Variants in NSMCE1 observed in about 807,000 individuals in gnomAD.
The protein encoded by NSMCE1 is non-structural maintenance of chromosomes element 1 homolog.
Under a neutral mutation model 29.6 loss-of-function variants are expected in NSMCE1, and 18 were observed. That is an observed-to-expected ratio of 0.61 (90% CI 0.42 to 0.90). The LOEUF (loss-of-function observed/expected upper bound fraction) is 0.90, where lower values mean the gene tolerates loss of function less well. NSMCE1 is among the 40% of genes least tolerant of loss of function. NSMCE1 has a pLI of 0.00. For missense variants in NSMCE1, 314 were observed against 343.6 expected (o/e 0.91, Z 0.68); for synonymous variants, 124 against 133.4 (o/e 0.93, Z 0.49).
At chr16:27,248,735 T>C (rs1214846036) in intron 2 of NSMCE1, among the ~76,000 whole-genome samples, 3 of 151,594 alleles carry the variant, frequency 2.0e-5, no homozygotes, top group African/African-American at 7.3e-5. Flanking sequence ...CTAATGATGT[T>C]GAGCATCTTT....
chr16:27,230,962 G>A (rs1188465292), intron 5 of NSMCE1: 1 of 152,432 alleles, frequency 6.6e-6, no homozygotes, highest in Non-Finnish European at 1.5e-5. Context: ...GCAGACAAAG[G>A]GCAAGTCAAA....
At chr16:27,242,757 C>T (rs1444736526) in intron 2 of NSMCE1, among the ~76,000 whole-genome samples, 1 of 152,260 alleles carries the variant, frequency 6.6e-6, no homozygotes, top group Non-Finnish European at 1.5e-5. Flanking sequence ...CATCTAATCA[C>T]ACCCACTGAA....
rs774511224 is a variant in NSMCE1, at chr16:27,236,338, C to T, written c.137-1039G>A. Among the ~76,000 whole-genome samples, 3 of 144,074 alleles carry T rather than the reference C, an allele frequency of 2.1e-5. No homozygotes were observed. The East Asian group carries it at 6.2e-4, about 30-fold the overall frequency. The allele number at this position is 144,074 out of a possible 152,430, so 94.5% of individuals were successfully genotyped here. On this transcript the variant is annotated intron_variant, in intron 2 of 7. Coordinates refer to ENST00000361439, the MANE Select transcript of NSMCE1 (RefSeq NM_145080.4). ...TTTTGAGACAGAGTCTTGCTCTCGC[C>T]CTGGCTGGAGTGCAGTAGCACAGTC...
At chr16:27,243,115 C>A (rs1280204339) in intron 2 of NSMCE1, among the ~76,000 whole-genome samples, 1 of 152,246 alleles carries the variant, frequency 6.6e-6, no homozygotes, top group East Asian at 1.9e-4. Flanking sequence ...CTGCTCCAGC[C>A]GAGTGCCCGA....
At chr16:27,238,028 G>C (rs1009106069) in intron 2 of NSMCE1, among the ~76,000 whole-genome samples, 11 of 152,132 alleles carry the variant, frequency 7.2e-5, no homozygotes, top group Non-Finnish European at 1.3e-4. Context: ...GTTTCTCACG[G>C]AGGCCCCGCG....
intron 5 of NSMCE1, among the ~76,000 whole-genome samples, chr16:27,229,087 C>T (rs897696428): frequency 1.1e-4 from 17 of 152,302 alleles, no homozygotes; most frequent in African/African-American, 3.4e-4. Context: ...GCCCCTAATA[C>T]GCGTATCTCC....
At chr16:27,252,585 C>G (rs2084046045) in intron 2 of NSMCE1, among the ~76,000 whole-genome samples, 1 of 152,016 alleles carries the variant, frequency 6.6e-6, no homozygotes. Flanking sequence ...GTGTTCGAGA[C>G]CAGCCTAGGC....
intron 2 of NSMCE1, among the ~76,000 whole-genome samples, chr16:27,249,405 T>G (rs2083997543): frequency 6.6e-6 from 1 of 152,248 alleles, no homozygotes; most frequent in Non-Finnish European, 1.5e-5. Context: ...TTTTATAGTT[T>G]CAGGTTTTAC....
chr16:27,238,298 C>A (rs550670989), intron 2 of NSMCE1, among the ~76,000 whole-genome samples: 1 of 152,202 alleles, frequency 6.6e-6, no homozygotes, highest in Non-Finnish European at 1.5e-5. Flanking sequence ...TCTTCCCTCC[C>A]GCTTCTCTAC....
intron 1 of NSMCE1, among the ~76,000 whole-genome samples, chr16:27,267,427 AG>A (rs1362063335): frequency 6.6e-6 from 1 of 152,160 alleles, no homozygotes; most frequent in African/African-American, 2.4e-5. Context: ...TGAGACTAAG[AG>A]GGCACAAGGT....
intron 2 of NSMCE1, among the ~76,000 whole-genome samples, chr16:27,247,221 T>G (rs1166750626): frequency 6.6e-6 from 1 of 152,192 alleles, no homozygotes; most frequent in Admixed American, 6.5e-5. Flanking sequence ...AATTGAATCA[T>G]GGGGGCAGTT....
At chr16:27,261,677 G>A (rs1596699814) in intron 1 of NSMCE1, among the ~76,000 whole-genome samples, 2 of 151,992 alleles carry the variant, frequency 1.3e-5, no homozygotes, top group Non-Finnish European at 2.9e-5. Context: ...CAATCGCAGC[G>A]CCAGAAAAAA....
intron 5 of NSMCE1, among the ~76,000 whole-genome samples, chr16:27,227,652 G>C (rs764760727): frequency 4.6e-5 from 7 of 152,214 alleles, no homozygotes; most frequent in African/African-American, 1.4e-4. Context: ...CTCATGCATC[G>C]GATATGAACC....
intron 1 of NSMCE1, chr16:27,266,747 A>C (rs2084230356): frequency 1.3e-5 from 2 of 152,228 alleles, no homozygotes; most frequent in South Asian, 4.1e-4. Context: ...ACATCAAAGA[A>C]AATAGAGGCT....
rs146993138 is a variant in NSMCE1, at chr16:27,247,709, G to A, written c.136+9726C>T. Among the ~76,000 whole-genome samples, 222 of 152,206 alleles carry A rather than the reference G, an allele frequency of 1.5e-3. 1 individual carries two copies. Among genetic ancestry groups the A allele is most frequent in the African/African-American group, 4.2e-3 (173 of 41,520 alleles). ...TGGGAGGCCGAGGTGGGCAGATCAC[G>A]AGGTGAGGGGATCAATATCATCCTG... On this transcript the variant is annotated intron_variant, in intron 2 of 7. Coordinates refer to ENST00000361439, the MANE Select transcript of NSMCE1 (RefSeq NM_145080.4).
intron 2 of NSMCE1, among the ~76,000 whole-genome samples, chr16:27,244,457 G>A (rs1310724984): frequency 2.0e-5 from 3 of 152,158 alleles, no homozygotes; most frequent in African/African-American, 7.2e-5. Context: ...CCAGGTCCCA[G>A]CACTCAGCCT....
chr16:27,259,944 G>C (rs1427608346), intron 1 of NSMCE1, among the ~76,000 whole-genome samples: 1 of 152,108 alleles, frequency 6.6e-6, no homozygotes, highest in Admixed American at 6.5e-5. Flanking sequence ...CTGAGGATAA[G>C]ACAAAAACAT....
chr16:27,257,071 G>A (rs1441221898), intron 2 of NSMCE1, among the ~76,000 whole-genome samples: 1 of 152,006 alleles, frequency 6.6e-6, no homozygotes, highest in African/African-American at 2.4e-5. Flanking sequence ...CCACTGTCTT[G>A]TACATATCAT....
Position 27,226,236 on chromosome 16 carries a change from T to C in NSMCE1, c.601-390A>G, listed in dbSNP as rs2083689674. 4.5e-5 allele frequency: 10 copies of C among 220,270 alleles called. No homozygotes were observed. The South Asian group carries it at 6.6e-4, about 15-fold the overall frequency. 13.6% of individuals were successfully genotyped at this position (220,270 alleles called of 1,614,324 possible). ...TCCGCCCAAGGAAATAATCACCAGG[T>C]GCCCAAGGATACAGGTGTACGAGGC... On this transcript the variant is annotated intron_variant, in intron 6 of 7. Transcript: ENST00000361439.
Sources: gnomAD v4.1 joint callset for allele counts (sites outside exome capture counted in the v4.1 genomes callset) on GRCh38, gnomAD v4.1.1 for gene constraint, MANE v1.5 for transcripts, NCBI Gene and HGNC (gene_info 2026-07-23, HGNC 2026-07-21) for gene names.